SLC6A17: variants seen among roughly 807,000 people sequenced by gnomAD.
SLC6A17 encodes the protein sodium-dependent neutral amino acid transporter SLC6A17.
A neutral mutation model predicts 64.5 loss-of-function variants in SLC6A17; 21 were observed. The ratio of observed to expected loss-of-function variants is 0.33; its 90% CI spans 0.23 to 0.47. The LOEUF is 0.47. Ranked by LOEUF, SLC6A17 falls within the 20% of genes least tolerant of loss-of-function variation. The pLI is 1.00. For missense variants in SLC6A17, 682 were observed against 963.2 expected, an observed-to-expected ratio of 0.71 and a Z score of 3.86; for synonymous variants, 372 against 399.5, an observed-to-expected ratio of 0.93 and a Z score of 0.82.
chr1:110,189,780 C>T (rs1557839882), intron 6 of SLC6A17, among the ~76,000 whole-genome samples: 1 of 152,158 alleles, frequency 6.6e-6, no homozygotes, highest in Non-Finnish European at 1.5e-5. Flanking sequence ...TGCTTCTTCC[C>T]GAATGTTCTT....
At position 110,201,078 on chromosome 1, in the gene SLC6A17, A is replaced by C. The variant is rs1172493163; in HGVS notation, c.*2634A>C. The C allele has an allele frequency of 6.6e-6, 1 of 152,180 alleles. No individual in the cohort carries two copies. The highest frequency in any genetic ancestry group is 6.5e-5 in the Admixed American group (1 of 15,278). 9.4% of individuals were successfully genotyped at this position (152,180 alleles called of 1,614,324 possible). ...AAAAAAATCCTCAAATTTATTTACC[A>C]GTCAGCTTCTTGCTGTTCCCAGTAG... On this transcript the variant is annotated 3_prime_UTR_variant, in exon 12 of 12. Coordinates refer to ENST00000331565, the MANE Select transcript of SLC6A17 (RefSeq NM_001010898.4).
chr1:110,176,499 C>T, intron 5 of SLC6A17, 130 bp from the exon 6 acceptor site: 1 of 839,786 alleles, frequency 1.2e-6, no homozygotes, highest in Non-Finnish European at 1.9e-6. Flanking sequence ...GGCCCTCTGC[C>T]CAGGGGTTCC....
intron 1 of SLC6A17, among the ~76,000 whole-genome samples, chr1:110,159,674 A>G (rs1241038543): frequency 6.6e-6 from 1 of 152,180 alleles, no homozygotes; most frequent in African/African-American, 2.4e-5. Flanking sequence ...CAGCACAAAT[A>G]CTGGCTCTTT....
chr1:110,178,997 T>A (rs1570992093), intron 6 of SLC6A17, among the ~76,000 whole-genome samples: 1 of 152,382 alleles, frequency 6.6e-6, no homozygotes, highest in East Asian at 1.9e-4. Flanking sequence ...TTAGCATTTC[T>A]GCATACCTTT....
Position 110,201,903 on chromosome 1 carries a change from A to G in SLC6A17, c.*3459A>G. On this transcript the variant is annotated 3_prime_UTR_variant, in exon 12 of 12. Transcript: ENST00000331565. Reference sequence around the variant, plus strand: ...CTGAGCATCCCTGGATCCTTCAAATAGGCCCTGAGATGTGAGGTCTGCTGC... The same window carrying G: ...CTGAGCATCCCTGGATCCTTCAAATGGGCCCTGAGATGTGAGGTCTGCTGC... 6.6e-6 allele frequency: 1 copy of G among 152,512 alleles called. No individual in the cohort carries two copies. The highest frequency in any genetic ancestry group is 1.5e-5 in the Non-Finnish European group (1 of 68,250). The allele number at this position is 152,512 out of a possible 1,614,324, so 9.4% of individuals were successfully genotyped here.
rs142470334 is a variant in SLC6A17 at position 110,198,394 on chromosome 1, C to T, written c.2134C>T (p.Arg712Cys). The T allele has an allele frequency of 9.4e-5, 152 of 1,613,910 alleles. 1 individual carries two copies. The highest frequency in any genetic ancestry group is 6.2e-4 in the Admixed American group (37 of 60,022). The change falls in exon 12 of 12, where the codon CGC becomes TGC. Residue 712 changes from arginine to cysteine, a missense_variant. Coordinates refer to ENST00000331565, the MANE Select transcript of SLC6A17 (RefSeq NM_001010898.4). The part of the protein sequence containing the change: ...PLETSGNPNG[R>C]YGSGYLLAST... ...GGAGACCAGCGGTAACCCCAATGGA[C>T]GCTATGGGAGCGGCTACCTGCTGGC...
intron 5 of SLC6A17, among the ~76,000 whole-genome samples, chr1:110,175,932 T>A (rs1231103503): frequency 6.6e-6 from 1 of 152,180 alleles, no homozygotes; most frequent in East Asian, 1.9e-4. Context: ...GGAGGTTAAA[T>A]GAAATGCCTG....
chr1:110,173,709 A>C (rs960042731), intron 3 of SLC6A17, among the ~76,000 whole-genome samples: 3 of 152,272 alleles, frequency 2.0e-5, no homozygotes, highest in African/African-American at 7.2e-5. Flanking sequence ...GGAAAGGATT[A>C]ACATTTTAAG....
At chr1:110,169,756 C>T (rs766751303) in intron 2 of SLC6A17, among the ~76,000 whole-genome samples, 2 of 152,204 alleles carry the variant, frequency 1.3e-5, no homozygotes, top group Admixed American at 1.3e-4. Context: ...GCTGTTGAAA[C>T]ATAAAAGGAA....
rs923362550 is a variant in SLC6A17, at chr1:110,199,422, G to A, written c.*978G>A. 1.3e-5 allele frequency: 2 copies of A among 152,446 alleles called. No homozygotes were observed. Among genetic ancestry groups the A allele is most frequent in the Non-Finnish European group, 2.9e-5 (2 of 68,190 alleles). 9.4% of individuals were successfully genotyped at this position (152,446 alleles called of 1,614,324 possible). A position where few individuals can be genotyped will look rare whatever the true frequency, so the allele number is the denominator to read the frequency against. The stretch of plus-strand genomic sequence containing the variant: ...CCTCCCTCCTCACCTGGGGTCCAAT[G>A]TTCTGTCTAGTGGCAGCTTTTCCCC... On this transcript the variant is annotated 3_prime_UTR_variant, in exon 12 of 12. Transcript: ENST00000331565.
At chr1:110,172,489 G>A (rs764147624) in intron 3 of SLC6A17, 16 of 400,002 alleles carry the variant, frequency 4.0e-5, no homozygotes, top group Non-Finnish European at 6.8e-5. Context: ...ACATGGGGCC[G>A]CCTGGGACAG....
chr1:110,172,232 G>T lies in SLC6A17; in HGVS notation c.444+15G>T. On this transcript the variant is annotated intron_variant, in intron 3 of 11. Transcript: ENST00000331565. ...CCAGCTGCATAGTGAGTCAAGGGCT[G>T]GGGCAGGCACTGAGTGGGAGGCAGG... The T allele has an allele frequency of 6.4e-7, 1 of 1,567,084 alleles. No homozygotes were observed.
chr1:110,195,589 G>T lies in SLC6A17; in HGVS notation c.1496G>T (p.Gly499Val). ...CCGGCCTCCCGGCTCTCTGTAGTGG[G>T]CTGCTGTGTCTTTGCATTCCTCGTG... is the stretch of plus-strand genomic sequence containing the variant. ...FKVPKEMFTV[G>V]CCVFAFLVGL... Residue 499 changes from glycine to valine, a missense_variant, in exon 10 of 12, where the codon GGC becomes GTC. Transcript: ENST00000331565. 6.2e-7 allele frequency: 1 copy of T among 1,614,164 alleles called. No homozygotes were observed. The highest frequency in any genetic ancestry group is 8.5e-7 in the Non-Finnish European group (1 of 1,180,034).
chr1:110,186,433 G>A (rs1377273443), intron 6 of SLC6A17, among the ~76,000 whole-genome samples: 10 of 112,854 alleles, frequency 8.9e-5, no homozygotes, highest in Non-Finnish European at 1.7e-4. Flanking sequence ...AGATAAAAAA[G>A]GAAATAATTA....
In SLC6A17 at chr1:110,174,830, G is replaced by A. The variant is rs1258083298; in HGVS notation, c.623G>A (p.Arg208Gln). ...KSSATTYFWY[R>Q]EALDISDSIS... Reference sequence around the variant, plus strand: ...TCAGCCACTACCTACTTCTGGTACCGAGAGGCCTTGGACATCTCTGACTCC... The same window carrying A: ...TCAGCCACTACCTACTTCTGGTACCAAGAGGCCTTGGACATCTCTGACTCC... Residue 208 changes from arginine to glutamine, a missense_variant, in exon 5 of 12, where the codon CGA (arginine) becomes CAA (glutamine). Physicochemically the swap from Arg to Gln is conservative, Grantham distance 43. Transcript: ENST00000331565. 2 of 1,614,078 alleles carry A rather than the reference G, an allele frequency of 1.2e-6. No individual in the cohort carries two copies. The highest frequency in any genetic ancestry group is 1.7e-6 in the Non-Finnish European group (2 of 1,180,052).
chr1:110,163,680 C>T (rs1198110600), intron 1 of SLC6A17, among the ~76,000 whole-genome samples: 1 of 152,188 alleles, frequency 6.6e-6, no homozygotes, highest in African/African-American at 2.4e-5. Flanking sequence ...AGCACCTGCC[C>T]CAGTCCTCAC....
At chr1:110,181,479 C>T (rs1656521685) in intron 6 of SLC6A17, among the ~76,000 whole-genome samples, 1 of 152,210 alleles carries the variant, frequency 6.6e-6, no homozygotes, top group South Asian at 2.1e-4. Context: ...TGTTCCGAGT[C>T]ACGGGATCCA....
intron 1 of SLC6A17, among the ~76,000 whole-genome samples, chr1:110,161,737 A>G (rs1418896832): frequency 6.6e-6 from 1 of 152,192 alleles, no homozygotes; most frequent in Non-Finnish European, 1.5e-5. Context: ...AGCTGCCTTC[A>G]TCATTACAAA....
chr1:110,187,828 C>T (rs1387019747), intron 6 of SLC6A17, among the ~76,000 whole-genome samples: 1 of 152,234 alleles, frequency 6.6e-6, no homozygotes, highest in East Asian at 1.9e-4. Flanking sequence ...CAAAAACTCA[C>T]CCAAGAGATG....
Sources: gnomAD v4.1 joint callset for allele counts (sites outside exome capture counted in the v4.1 genomes callset) on GRCh38, gnomAD v4.1.1 for gene constraint, MANE v1.5 for transcripts, NCBI Gene and HGNC (gene_info 2026-07-23, HGNC 2026-07-21) for gene names.